The following THSD4 variants were observed in gnomAD, a reference collection of about 807,000 sequenced individuals.
The protein encoded by THSD4 is thrombospondin type 1 domain containing 4.
Under a neutral mutation model 119.0 loss-of-function variants are expected in THSD4, and 69 were observed. That is an observed-to-expected ratio of 0.58 (90% CI 0.48 to 0.71). THSD4 has a LOEUF of 0.71. Among genes scored for constraint, THSD4 ranks in the 30% least tolerant of loss-of-function variants. THSD4 has a pLI of 0.00. For missense variants in THSD4, 1,393 were observed against 1,391.1 expected, an observed-to-expected ratio of 1.00 and a Z score of -0.02; for synonymous variants, 524 against 540.4, an observed-to-expected ratio of 0.97 and a Z score of 0.42.
chr15:71,670,590 T>C (rs1321122563), intron 8 of THSD4, among the ~76,000 whole-genome samples: 2 of 152,034 alleles, frequency 1.3e-5, no homozygotes, highest in Admixed American at 1.3e-4. Context: ...GTTGGTGTGC[T>C]GCACCCATTA....
intron 7 of THSD4, among the ~76,000 whole-genome samples, chr15:71,519,627 G>T (rs1219122322): frequency 6.6e-6 from 1 of 152,212 alleles, no homozygotes; most frequent in Non-Finnish European, 1.5e-5. Context: ...CTCCCAAAGT[G>T]CTGGGATGAC....
chr15:71,541,336 C>T (rs906792555), intron 7 of THSD4, among the ~76,000 whole-genome samples: 3 of 152,262 alleles, frequency 2.0e-5, no homozygotes, highest in South Asian at 2.1e-4. Context: ...TTGGAATAGC[C>T]GCATTTCCAG....
intron 7 of THSD4, among the ~76,000 whole-genome samples, chr15:71,430,021 G>C (rs1263503232): frequency 6.6e-6 from 1 of 152,144 alleles, no homozygotes; most frequent in African/African-American, 2.4e-5. Flanking sequence ...TCAGCTGAGA[G>C]GGCCAGTGGC....
At chr15:71,595,352 G>A (rs1416745223) in intron 7 of THSD4, among the ~76,000 whole-genome samples, 1 of 152,186 alleles carries the variant, frequency 6.6e-6, no homozygotes, top group East Asian at 1.9e-4. Context: ...AATGATGGGG[G>A]CTGGCCTTTT....
intron 8 of THSD4, among the ~76,000 whole-genome samples, chr15:71,685,217 T>C (rs2051882335): frequency 6.6e-6 from 1 of 151,792 alleles, no homozygotes; most frequent in South Asian, 2.1e-4. Context: ...AAAAAAGAAA[T>C]AAGAGTATTT....
chr15:71,631,710 G>T (rs2050631871), intron 7 of THSD4, among the ~76,000 whole-genome samples: 1 of 152,256 alleles, frequency 6.6e-6, no homozygotes, highest in Non-Finnish European at 1.5e-5. Context: ...CGCGGTTCCA[G>T]TCAACTGAGG....
At chr15:71,664,298 T>C (rs1020960812) in intron 8 of THSD4, among the ~76,000 whole-genome samples, 75 of 152,238 alleles carry the variant, frequency 4.9e-4, no homozygotes, top group African/African-American at 1.7e-3. Flanking sequence ...TCCAGAACTT[T>C]TACAACTTTA....
At chr15:71,243,741 C>T (rs1273834579) in intron 5 of THSD4, among the ~76,000 whole-genome samples, 2 of 151,298 alleles carry the variant, frequency 1.3e-5, no homozygotes, top group Non-Finnish European at 2.9e-5. Flanking sequence ...ATAATATCTA[C>T]CATTATTAAA....
chr15:71,699,404 G>A lies in THSD4; in HGVS notation c.1358-29145G>A, dbSNP rs1299552804. Among the ~76,000 whole-genome samples, 2 of 62,882 alleles carry A rather than the reference G, an allele frequency of 3.2e-5. 1 individual carries two copies. The highest frequency in any genetic ancestry group is 2.2e-4 in the African/African-American group (2 of 9,052). 41.3% of individuals were successfully genotyped at this position (62,882 alleles called of 152,430 possible). On this transcript the variant is annotated intron_variant, in intron 8 of 17. Transcript: ENST00000261862. ...ATTTTTTTGTATTTTTAGTAGAGACGGGGTTTCACCGTTTTAGCCGGGATG... is the reference window on the plus strand; with the variant it reads ...ATTTTTTTGTATTTTTAGTAGAGACAGGGTTTCACCGTTTTAGCCGGGATG...
intron 6 of THSD4, among the ~76,000 whole-genome samples, chr15:71,330,089 A>G (rs2045402152): frequency 6.8e-6 from 1 of 147,210 alleles, no homozygotes; most frequent in Admixed American, 6.8e-5. Context: ...CTCCAAAGGA[A>G]AAAAAAAAAA....
At chr15:71,455,541 G>A (rs1039895987) in intron 7 of THSD4, among the ~76,000 whole-genome samples, 3 of 152,070 alleles carry the variant, frequency 2.0e-5, no homozygotes, top group Non-Finnish European at 4.4e-5. Context: ...GTCTCTTGAG[G>A]TGGGTCCATA....
At chr15:71,674,708 C>A (rs2051604151) in intron 8 of THSD4, among the ~76,000 whole-genome samples, 1 of 152,178 alleles carries the variant, frequency 6.6e-6, no homozygotes, top group South Asian at 2.1e-4. Flanking sequence ...TCTGCACCCG[C>A]TCCCCATACA....
At chr15:71,231,332 G>A (rs1306549620) in intron 4 of THSD4, among the ~76,000 whole-genome samples, 1 of 152,106 alleles carries the variant, frequency 6.6e-6, no homozygotes, top group Non-Finnish European at 1.5e-5. Context: ...GGGGTTGGGG[G>A]ACAGCCCCAT....
rs147816115 is a variant in THSD4, at chr15:71,195,856, C to A, written c.100-19179C>A. Among the ~76,000 whole-genome samples the A allele has an allele frequency of 1.4e-4, 21 of 152,278 alleles. No homozygotes were observed. In the East Asian group the frequency reaches 4.1e-3, roughly 29 times the overall value. On this transcript the variant is annotated intron_variant, in intron 3 of 17. Coordinates refer to ENST00000261862, the MANE Select transcript of THSD4 (RefSeq NM_024817.3). ...TGCAGGACACTGTACAATGTGATATCTGTCATATTCAATAACCTGCAAGCT... is the reference window on the plus strand; with the variant it reads ...TGCAGGACACTGTACAATGTGATATATGTCATATTCAATAACCTGCAAGCT...
At chr15:71,158,848 A>T (rs1230524783) in intron 3 of THSD4, among the ~76,000 whole-genome samples, 1 of 152,048 alleles carries the variant, frequency 6.6e-6, no homozygotes, top group East Asian at 1.9e-4. Context: ...CCATTTGTTT[A>T]TCTTTGCTTT....
At chr15:71,483,719 T>C (rs2047770480) in intron 7 of THSD4, among the ~76,000 whole-genome samples, 1 of 152,096 alleles carries the variant, frequency 6.6e-6, no homozygotes, top group South Asian at 2.1e-4. Context: ...CCAGCATGCA[T>C]TAGCCATTTA....
intron 7 of THSD4, chr15:71,547,449 C>G: frequency 6.4e-7 from 1 of 1,550,446 alleles, no homozygotes; most frequent in Non-Finnish European, 8.7e-7. Context: ...GCTCCACGTT[C>G]AAACAGCAGT....
intron 3 of THSD4, chr15:71,165,263 A>T: frequency 1.3e-6 from 2 of 1,568,608 alleles, no homozygotes; most frequent in Non-Finnish European, 1.8e-6. Flanking sequence ...TTTAGCAGAA[A>T]TGGTCTTCCA....
At chr15:71,339,406 G>A (rs575760881) in intron 6 of THSD4, among the ~76,000 whole-genome samples, 1 of 151,846 alleles carries the variant, frequency 6.6e-6, no homozygotes, top group East Asian at 1.9e-4. Context: ...TCCCCCAACC[G>A]TCACCTCTGT....
Sources: allele counts gnomAD v4.1 joint callset (sites outside exome capture counted in the v4.1 genomes callset), GRCh38; gene constraint gnomAD v4.1.1; transcripts MANE v1.5; gene names NCBI Gene and HGNC (gene_info 2026-07-23, HGNC 2026-07-21).